TKFC: variants seen among roughly 807,000 people sequenced by gnomAD.
TKFC encodes the protein triokinase/FMN cyclase.
A neutral mutation model predicts 61.0 loss-of-function variants in TKFC; 46 were observed. That is an observed-to-expected ratio of 0.75 (90% CI 0.60 to 0.96). The LOEUF (loss-of-function observed/expected upper bound fraction) is 0.96, where lower values mean the gene tolerates loss of function less well. Ranked by LOEUF, TKFC falls within the 50% of genes least tolerant of loss-of-function variation. The probability of loss-of-function intolerance (pLI) is 0.00; values close to 1 mark genes in which losing one functional copy is unlikely to be tolerated. For synonymous variants in TKFC, 314 were observed against 330.1 expected (o/e 0.95, Z 0.53); for missense variants, 715 against 777.5 (o/e 0.92, Z 0.96).
chr11:61,345,732 G>C lies in TKFC; in HGVS notation c.1472G>C (p.Gly491Ala), dbSNP rs754039805. 7 of 1,614,142 alleles carry C rather than the reference G, an allele frequency of 4.3e-6. No individual in the cohort carries two copies. Among genetic ancestry groups the C allele is most frequent in the Admixed American group, 3.3e-5 (2 of 60,008 alleles). ...AMQKYGKAAP[G>A]DRTMLDSLWA... ...GCCAGGTATGGCAAGGCTGCTCCAG[G>C]GGACAGGACTATGGTATGTACTCAG... Residue 491 changes from glycine to alanine, a missense_variant, in exon 16 of 18, where the codon GGG (glycine) becomes GCG (alanine). Gly to Ala is a moderately conservative substitution (Grantham distance 60, BLOSUM62 0). Transcript: ENST00000394900.
intron 2 of TKFC, among the ~76,000 whole-genome samples, chr11:61,336,864 C>T (rs1856629234): frequency 1.3e-5 from 2 of 152,186 alleles, no homozygotes; most frequent in Admixed American, 1.3e-4. Context: ...CTGCTGGTCA[C>T]CCGTGCTTCC....
At position 61,343,433 on chromosome 11, in the gene TKFC, G is replaced by A; in HGVS notation, c.957G>A (p.Val319=). 1.2e-6 allele frequency: 2 copies of A among 1,614,194 alleles called. No individual in the cohort carries two copies. Among genetic ancestry groups the A allele is most frequent in the Non-Finnish European group, 1.7e-6 (2 of 1,180,038 alleles). The change falls in exon 11 of 18, where the codon GTG becomes GTA. Residue 319 remains valine (V), a synonymous_variant. Coordinates refer to ENST00000394900, the MANE Select transcript of TKFC (RefSeq NM_015533.4). ...GCATTTCTCTCACCCTCCTGCTGGTGGATGAGCCTCTCCTGAAACTGATAG... is the reference window on the plus strand; with the variant it reads ...GCATTTCTCTCACCCTCCTGCTGGTAGATGAGCCTCTCCTGAAACTGATAG... ...MPGISLTLLL[V]DEPLLKLIDA...
In TKFC at chr11:61,342,839, C is replaced by T. The variant is rs1290876625; in HGVS notation, c.860C>T (p.Ser287Phe). 6.2e-7 allele frequency: 1 copy of T among 1,613,948 alleles called. No individual in the cohort carries two copies. The highest frequency in any genetic ancestry group is 1.1e-5 in the South Asian group (1 of 91,070). The change falls in exon 10 of 18, where the codon TCC (serine) becomes TTC (phenylalanine). Residue 287 changes from serine (S) to phenylalanine (F), a missense_variant. By Grantham distance (155) the Ser-to-Phe change is radical (BLOSUM62 -2). Coordinates refer to ENST00000394900, the MANE Select transcript of TKFC (RefSeq NM_015533.4). ...LGIIADATVR[S>F]LEGRGVKIAR... Reference sequence around the variant, plus strand: ...ATCATAGCCGACGCTACCGTCCGCTCCCTGGGTGAGCCATGCACTGGGAAG... The same window carrying T: ...ATCATAGCCGACGCTACCGTCCGCTTCCTGGGTGAGCCATGCACTGGGAAG...
chr11:61,346,343 TC>T lies in TKFC; in HGVS notation c.1576-3del. The T allele has an allele frequency of 1.9e-6, 3 of 1,611,952 alleles. No homozygotes were observed. Among genetic ancestry groups the T allele is most frequent in the Non-Finnish European group, 8.5e-7 (1 of 1,179,910 alleles). ...CCCTTGAACCTGCTCCCACACCCCA[TC>T]CCCCAGAGTGCCGAAGCTGCAGCCG... On this transcript the variant is annotated splice_polypyrimidine_tract_variant and splice_region_variant and intron_variant, in intron 17 of 17. Transcript: ENST00000394900. The surrounding 1 kb of genome is among the most constrained non-coding windows in gnomAD (Gnocchi z 4.1).
chr11:61,350,551 C>G, downstream of TKFC: 1 of 1,167,484 alleles, frequency 8.6e-7, no homozygotes, highest in Non-Finnish European at 1.2e-6. Flanking sequence ...CTCAGGGAAG[C>G]CCCAAAGTCC....
Position 61,341,450 on chromosome 11 carries a change from G to A in TKFC, c.501G>A (p.Leu167=). Residue 167 remains leucine, a synonymous_variant, in exon 6 of 18, where the codon CTG becomes CTA. Coordinates refer to ENST00000394900, the MANE Select transcript of TKFC (RefSeq NM_015533.4). ...TGTGGCTGCAGGTGGCAGGTGCTCT[G>A]GCTGAGGCTGGTGTGGGGCTGGAGG... is the stretch of plus-strand genomic sequence containing the variant. ...TVLIHKVAGA[L]AEAGVGLEEI... The A allele has an allele frequency of 6.4e-7, 1 of 1,554,134 alleles. No individual in the cohort carries two copies. Among genetic ancestry groups the A allele is most frequent in the Non-Finnish European group, 8.7e-7 (1 of 1,148,200 alleles).
At chr11:61,353,249 T>C, downstream of TKFC, 1 of 1,375,766 alleles carries the variant, frequency 7.3e-7, no homozygotes, top group Non-Finnish European at 9.7e-7. Context: ...CTTTCACAAC[T>C]CAAACCTTCC....
At chr11:61,343,167 C>T (rs1856948710) in intron 10 of TKFC, 175 bp from the exon 11 acceptor site, 1 of 646,046 alleles carries the variant, frequency 1.5e-6, no homozygotes, top group Non-Finnish European at 2.7e-6. Flanking sequence ...ACGTAGGGGA[C>T]ACCTCCAGGG....
intron 3 of TKFC, among the ~76,000 whole-genome samples, chr11:61,338,426 C>T (rs933311610): frequency 1.3e-5 from 2 of 152,170 alleles, no homozygotes; most frequent in African/African-American, 2.4e-5. Flanking sequence ...AGACCCACCC[C>T]GATTCCATGA....
chr11:61,345,839 T>G lies in TKFC; in HGVS notation c.1486-18T>G. The G allele has an allele frequency of 6.2e-7, 1 of 1,614,084 alleles. No homozygotes were observed. The highest frequency in any genetic ancestry group is 8.5e-7 in the Non-Finnish European group (1 of 1,180,004). ...TTGCAGGGCCCGTGCTCAGCCCCCTTTCCTTCACCTTGTCCAGCTGGATTC... is the reference window on the plus strand; with the variant it reads ...TTGCAGGGCCCGTGCTCAGCCCCCTGTCCTTCACCTTGTCCAGCTGGATTC... On this transcript the variant is annotated intron_variant, in intron 16 of 17. Coordinates refer to ENST00000394900, the MANE Select transcript of TKFC (RefSeq NM_015533.4).
chr11:61,349,920 C>T (rs1857319420), downstream of TKFC: 3 of 502,068 alleles, frequency 6.0e-6, no homozygotes, highest in African/African-American at 1.9e-5. Context: ...TGTTTCACAC[C>T]GTGGACTGCA....
downstream of TKFC, chr11:61,350,348 G>A: frequency 6.3e-7 from 1 of 1,594,254 alleles, no homozygotes; most frequent in Non-Finnish European, 8.5e-7. Context: ...AGCTTCTGAG[G>A]GGAGCACAGG....
Position 61,347,329 on chromosome 11 carries a change from C to T in TKFC, c.*826C>T, listed in dbSNP as rs940487465. Reference sequence around the variant, plus strand: ...GGCCAAGGCAGGCGGATCCCTTACACTCAGGAGTTCAAGACCAGTCTGGGC... The same window carrying T: ...GGCCAAGGCAGGCGGATCCCTTACATTCAGGAGTTCAAGACCAGTCTGGGC... On this transcript the variant is annotated 3_prime_UTR_variant, in exon 18 of 18. Coordinates refer to ENST00000394900, the MANE Select transcript of TKFC (RefSeq NM_015533.4). 7 of 951,430 alleles carry T rather than the reference C, an allele frequency of 7.4e-6. No homozygotes were observed. In the African/African-American group the frequency reaches 1.2e-4, roughly 17 times the overall value. The allele number at this position is 951,430 out of a possible 1,614,324, so 58.9% of individuals were successfully genotyped here.
downstream of TKFC, chr11:61,352,728 G>C: frequency 8.8e-7 from 1 of 1,133,018 alleles, no homozygotes; most frequent in East Asian, 3.2e-5. Flanking sequence ...TAGGGTGGTT[G>C]ACAGGATTAA....
chr11:61,350,169 C>T, downstream of TKFC: 3 of 600,552 alleles, frequency 5.0e-6, no homozygotes, highest in East Asian at 2.8e-5. Context: ...AGCAGACAGG[C>T]AGCAAGCGGC....
chr11:61,341,373 T>C (rs1856842755), intron 5 of TKFC, 63 bp from the exon 6 acceptor site: 1 of 1,529,466 alleles, frequency 6.5e-7, no homozygotes, highest in Non-Finnish European at 8.9e-7. Flanking sequence ...CCTGCCTGTC[T>C]TCTACCCCAC....
rs899626925 is a variant in TKFC, at chr11:61,333,273, C to G, written c.-166C>G. 6 of 272,314 alleles carry G rather than the reference C, an allele frequency of 2.2e-5. No homozygotes were observed. In the South Asian group the frequency reaches 4.7e-4, roughly 21 times the overall value. 16.9% of individuals were successfully genotyped at this position (272,314 alleles called of 1,614,324 possible). ...GATGAGAGCGCACGCTTCGGGGTCT[C>G]CGGGAAGTCGCGGCGCCTTCGGATG... On this transcript the variant is annotated 5_prime_UTR_variant, in exon 1 of 18. Coordinates refer to ENST00000394900, the MANE Select transcript of TKFC (RefSeq NM_015533.4).
chr11:61,343,588 C>A, intron 11 of TKFC, 130 bp downstream of exon 11: 1 of 936,558 alleles, frequency 1.1e-6, no homozygotes, highest in Non-Finnish European at 1.6e-6. Flanking sequence ...AAGGCTCTTC[C>A]TGGGCTTCTC....
intron 2 of TKFC, among the ~76,000 whole-genome samples, chr11:61,337,460 A>G (rs1230289422): frequency 6.6e-6 from 1 of 152,140 alleles, no homozygotes; most frequent in African/African-American, 2.4e-5. Context: ...ATCTCTACAC[A>G]TAGTGTCTAG....
Sources: allele counts gnomAD v4.1 joint callset (sites outside exome capture counted in the v4.1 genomes callset), GRCh38; gene constraint gnomAD v4.1.1; non-coding constraint Gnocchi (gnomAD v3.1); transcripts MANE v1.5; gene names NCBI Gene and HGNC (gene_info 2026-07-23, HGNC 2026-07-21).